MALT1: variants seen among roughly 807,000 people sequenced by gnomAD.
The protein encoded by MALT1 is mucosa-associated lymphoid tissue lymphoma translocation protein 1.
MALT1 carries 36 observed loss-of-function variants against 85.5 expected under a neutral mutation model. The observed-to-expected ratio is 0.42, with a 90% CI of 0.32 to 0.56. The LOEUF (loss-of-function observed/expected upper bound fraction) is 0.56. Among genes scored for constraint, MALT1 ranks in the 20% least tolerant of loss-of-function variants. The probability of loss-of-function intolerance (pLI) is 0.10; values close to 1 mark genes in which losing one functional copy is unlikely to be tolerated. For missense variants in MALT1, 716 were observed against 981.6 expected, an observed-to-expected ratio of 0.73 and a Z score of 3.62; for synonymous variants, 359 against 361.3, an observed-to-expected ratio of 0.99 and a Z score of 0.07.
intron 4 of MALT1, among the ~76,000 whole-genome samples, chr18:58,703,690 G>T (rs757865642): frequency 6.6e-6 from 1 of 152,120 alleles, no homozygotes. Flanking sequence ...TGATCCAATC[G>T]CTTCCCACCA....
intron 2 of MALT1, among the ~76,000 whole-genome samples, chr18:58,696,103 G>T (rs1029430198): frequency 6.6e-6 from 1 of 152,262 alleles, no homozygotes; most frequent in Middle Eastern, 3.4e-3. Flanking sequence ...AAGAAATATG[G>T]TAAATAATTT....
chr18:58,675,678 A>G (rs556641729), intron 1 of MALT1, among the ~76,000 whole-genome samples: 41 of 152,306 alleles, frequency 2.7e-4, no homozygotes, highest in Admixed American at 5.2e-4. Flanking sequence ...GACAGAGAAG[A>G]CCTTGTCTCT....
Position 58,750,739 on chromosome 18 carries a change from G to T in MALT1, c.*2897G>T, listed in dbSNP as rs1307353836. 1 of 152,148 alleles carries T rather than the reference G, an allele frequency of 6.6e-6. No individual in the cohort carries two copies. The highest frequency in any genetic ancestry group is 2.4e-5 in the African/African-American group (1 of 41,428). 9.4% of individuals were successfully genotyped at this position (152,148 alleles called of 1,614,324 possible). A position where few individuals can be genotyped will look rare whatever the true frequency, so the allele number is the denominator to read the frequency against. Reference sequence around the variant, plus strand: ...ACATTACAAATTCTAACTCAAAATGGATCATAGACCTCAATATAAGAGTTT... The same window carrying T: ...ACATTACAAATTCTAACTCAAAATGTATCATAGACCTCAATATAAGAGTTT... On this transcript the variant is annotated 3_prime_UTR_variant, in exon 17 of 17. Transcript: ENST00000649217.
chr18:58,741,465 C>A (rs10221300), intron 13 of MALT1: 8,125 of 152,178 alleles, frequency 0.053, 348 homozygotes, highest in East Asian at 0.22. Context: ...AAAAAAAGAA[C>A]CTTACTATTG....
intron 9 of MALT1, among the ~76,000 whole-genome samples, chr18:58,720,116 T>C (rs548713369): frequency 6.6e-6 from 1 of 152,240 alleles, no homozygotes; most frequent in Non-Finnish European, 1.5e-5. Context: ...CTGAATCCAC[T>C]GGCATTTTTG....
At chr18:58,728,461 C>A (rs1407217257) in intron 10 of MALT1, among the ~76,000 whole-genome samples, 2 of 151,848 alleles carry the variant, frequency 1.3e-5, no homozygotes, top group African/African-American at 4.8e-5. Context: ...AAAAATTAGC[C>A]AGGCATGGTG....
intron 1 of MALT1, among the ~76,000 whole-genome samples, chr18:58,674,510 T>A (rs149695884): frequency 1.6e-3 from 237 of 152,248 alleles, no homozygotes; most frequent in Non-Finnish European, 2.9e-3. Flanking sequence ...GGTTGGAGAA[T>A]TTGGGAACGT....
At chr18:58,694,752 T>C (rs1463383393) in intron 2 of MALT1, among the ~76,000 whole-genome samples, 1 of 152,244 alleles carries the variant, frequency 6.6e-6, no homozygotes, top group Non-Finnish European at 1.5e-5. Context: ...TAGTCCTGGC[T>C]GAGGGTCTCT....
At chr18:58,740,228 TTTTA>T (rs1473478165) in intron 13 of MALT1, among the ~76,000 whole-genome samples, 3 of 152,204 alleles carry the variant, frequency 2.0e-5, no homozygotes, top group Non-Finnish European at 4.4e-5. Context: ...TACTTTCCTT[TTTTA>T]TTTATTGCCA....
rs559029288 is a variant in MALT1 at position 58,681,369 on chromosome 18, G to A, written c.376+33G>A. 5.7e-5 allele frequency: 90 copies of A among 1,578,210 alleles called. No homozygotes were observed. In the South Asian group the frequency reaches 9.9e-4, roughly 17 times the overall value. ...TTGTTCTTAGGATTATTCTCCAGGAGTTCATGGAGCCAAACTTAGAAGAAA... is the reference window on the plus strand; with the variant it reads ...TTGTTCTTAGGATTATTCTCCAGGAATTCATGGAGCCAAACTTAGAAGAAA... On this transcript the variant is annotated intron_variant, in intron 2 of 16. Coordinates refer to ENST00000649217, the MANE Select transcript of MALT1 (RefSeq NM_006785.4).
chr18:58,682,203 A>G (rs2054332790), intron 2 of MALT1, among the ~76,000 whole-genome samples: 1 of 152,290 alleles, frequency 6.6e-6, no homozygotes, highest in Non-Finnish European at 1.5e-5. Context: ...TATATTTTTA[A>G]GTTAACATGA....
chr18:58,698,075 G>T (rs12970275), intron 3 of MALT1, among the ~76,000 whole-genome samples: 45,885 of 92,328 alleles, frequency 0.5, 9,010 homozygotes, highest in South Asian at 0.66. Context: ...TTGTTTTTTT[G>T]TTTTTTTTTT....
intron 12 of MALT1, among the ~76,000 whole-genome samples, chr18:58,734,734 C>T (rs1176629347): frequency 1.3e-5 from 2 of 152,114 alleles, no homozygotes; most frequent in Admixed American, 6.5e-5. Flanking sequence ...TTATTAAGCC[C>T]AAATTGGGCA....
chr18:58,747,498 C>T lies in MALT1; in HGVS notation c.2131C>T (p.Leu711Phe). 1 of 1,614,048 alleles carries T rather than the reference C, an allele frequency of 6.2e-7. No homozygotes were observed. The highest frequency in any genetic ancestry group is 8.5e-7 in the Non-Finnish European group (1 of 1,179,934). The change falls in exon 17 of 17, where the codon CTC becomes TTC. Residue 711 changes from leucine (L) to phenylalanine (F), a missense_variant. By Grantham distance (22) the Leu-to-Phe change is conservative. Around this residue, in one of 4 missense-constraint regions of MALT1, gnomAD observed 260 missense variants for 323.7 expected, o/e 0.80. Transcript: ENST00000649217. ...DKQEVNVGKP[L>F]IAKLDMHRGL... ...GCAGGAAGTGAATGTTGGGAAACCT[C>T]TCATTGCTAAATTAGACATGCATCG... is the stretch of plus-strand genomic sequence containing the variant.
In MALT1 at chr18:58,702,572, G is replaced by A. The variant is rs150241970; in HGVS notation, c.649+1981G>A. 1.2e-3 allele frequency among the ~76,000 whole-genome samples: 183 copies of A among 152,314 alleles called. 3 individuals carry two copies. The highest frequency in any genetic ancestry group is 4.0e-3 in the African/African-American group (165 of 41,574). ...ATATGAATCAAGAAGAGGTCAGTTT[G>A]TTATGAATTTGAATGTTGTGGTCTT... is the stretch of plus-strand genomic sequence containing the variant. On this transcript the variant is annotated intron_variant, in intron 4 of 16. Coordinates refer to ENST00000649217, the MANE Select transcript of MALT1 (RefSeq NM_006785.4).
rs1430518818 is a variant in MALT1, at chr18:58,681,185, G to T, written c.225G>T (p.Glu75Asp). The T allele has an allele frequency of 6.2e-7, 1 of 1,613,572 alleles. No individual in the cohort carries two copies. The highest frequency in any genetic ancestry group is 8.5e-7 in the Non-Finnish European group (1 of 1,179,914). ...TTGCTTTCAGTTGCCTAGACCTGGA[G>T]CAGTGTTCTCTTAAGGTACTGGAGC... ...GRLRLSCLDL[E>D]QCSLKVLEPE... The change falls in exon 2 of 17, where the codon GAG (glutamate) becomes GAT (aspartate). Residue 75 changes from glutamate (E) to aspartate (D), a missense_variant. By Grantham distance (45) the Glu-to-Asp change is conservative. Coordinates refer to ENST00000649217, the MANE Select transcript of MALT1 (RefSeq NM_006785.4).
At chr18:58,704,639 G>A (rs1468334696) in intron 4 of MALT1, among the ~76,000 whole-genome samples, 4 of 152,092 alleles carry the variant, frequency 2.6e-5, no homozygotes, top group South Asian at 2.1e-4. Flanking sequence ...TGTATTTTTG[G>A]TAGAGATGGG....
chr18:58,717,041 T>C (rs2054910935), intron 9 of MALT1, among the ~76,000 whole-genome samples: 1 of 152,128 alleles, frequency 6.6e-6, no homozygotes, highest in Non-Finnish European at 1.5e-5. Context: ...TGTTTCTAAG[T>C]AATTAGGCGT....
rs183202742 is a variant in MALT1 at position 58,677,000 on chromosome 18, A to G, written c.210-4170A>G. The stretch of plus-strand genomic sequence containing the variant: ...AAGATAAAAATAGAGATATTTTTAA[A>G]AAGTAAAGTACATTTGTTTCAGTCA... On this transcript the variant is annotated intron_variant, in intron 1 of 16. Transcript: ENST00000649217. Among the ~76,000 whole-genome samples the G allele has an allele frequency of 4.6e-3, 702 of 152,328 alleles. 6 individuals carry two copies. Among genetic ancestry groups the G allele is most frequent in the Middle Eastern group, 0.041 (12 of 294 alleles).
Sources: allele counts gnomAD v4.1 joint callset (sites outside exome capture counted in the v4.1 genomes callset), GRCh38; gene constraint gnomAD v4.1.1; regional missense constraint gnomAD v4.1.1; transcripts MANE v1.5; gene names NCBI Gene and HGNC (gene_info 2026-07-23, HGNC 2026-07-21).